Variants in ABTB3 observed in about 807,000 individuals in gnomAD.
ABTB3 encodes ankyrin repeat- and BTB/POZ domain-containing protein 3.
At chr12:107,577,183 T>C in the ABTB3 span, among the ~76,000 whole-genome samples, 9 of 152,190 alleles carry the variant, frequency 5.9e-5, no homozygotes, top group African/African-American at 1.4e-4. Flanking sequence ...AGACTGACCT[T>C]ATGGCCCACA....
chr12:107,477,874 G>A, the ABTB3 span, among the ~76,000 whole-genome samples: 1,452 of 152,192 alleles, frequency 9.5e-3, 35 homozygotes, highest in African/African-American at 0.033. Context: ...CTTCTAGGAA[G>A]GTATTAGGAT....
chr12:107,365,155 T>C, the ABTB3 span, among the ~76,000 whole-genome samples: 1 of 152,218 alleles, frequency 6.6e-6, no homozygotes, highest in Admixed American at 6.5e-5. Flanking sequence ...GACTTCACAG[T>C]TAAAGTGGTT....
the ABTB3 span, among the ~76,000 whole-genome samples, chr12:107,550,622 C>A: frequency 6.7e-6 from 1 of 149,358 alleles, no homozygotes; most frequent in East Asian, 1.9e-4. Flanking sequence ...AATCTGTCAC[C>A]CAGGTTGGAG....
the ABTB3 span, among the ~76,000 whole-genome samples, chr12:107,411,899 C>T: frequency 2.6e-4 from 39 of 152,270 alleles, no homozygotes; most frequent in East Asian, 6.0e-3. Flanking sequence ...ATACTCAGAC[C>T]GGTGGTTCTG....
the ABTB3 span, among the ~76,000 whole-genome samples, chr12:107,420,624 A>C: frequency 2.7e-3 from 415 of 152,312 alleles, 2 homozygotes; most frequent in African/African-American, 9.4e-3. Flanking sequence ...GGACACAGCC[A>C]AACCACATCA....
At chr12:107,385,369 G>A in the ABTB3 span, among the ~76,000 whole-genome samples, 1 of 152,332 alleles carries the variant, frequency 6.6e-6, no homozygotes, top group East Asian at 1.9e-4. Flanking sequence ...GCAATGCAAA[G>A]GTGTGTAGGT....
At chr12:107,469,758 G>A in the ABTB3 span, among the ~76,000 whole-genome samples, 9 of 152,182 alleles carry the variant, frequency 5.9e-5, no homozygotes, top group Admixed American at 3.3e-4. Context: ...ATTTGAAGAA[G>A]TGTCAATATT....
chr12:107,515,788 A>C, the ABTB3 span, among the ~76,000 whole-genome samples: 5 of 151,894 alleles, frequency 3.3e-5, no homozygotes, highest in African/African-American at 1.2e-4. Flanking sequence ...GAGGGTTCCT[A>C]AAGTACAGCA....
the ABTB3 span, among the ~76,000 whole-genome samples, chr12:107,494,799 G>A: frequency 1.3e-5 from 2 of 152,186 alleles, no homozygotes; most frequent in African/African-American, 2.4e-5. Flanking sequence ...CTGCGCTGCA[G>A]CCGCCTGTTC....
the ABTB3 span, among the ~76,000 whole-genome samples, chr12:107,334,923 C>A: frequency 3.3e-5 from 5 of 152,114 alleles, no homozygotes; most frequent in Non-Finnish European, 5.9e-5. Flanking sequence ...TAGTTACTCC[C>A]ATTGTACCCC....
chr12:107,516,510 G>C, the ABTB3 span, among the ~76,000 whole-genome samples: 1 of 152,178 alleles, frequency 6.6e-6, no homozygotes, highest in Non-Finnish European at 1.5e-5. Flanking sequence ...GGGATTACAG[G>C]CGTGAGACAC....
At chr12:107,506,339 TA>T in the ABTB3 span, among the ~76,000 whole-genome samples, 2 of 152,182 alleles carry the variant, frequency 1.3e-5, no homozygotes, top group South Asian at 2.1e-4. Context: ...TACTTCTACT[TA>T]AAAAAATACT....
chr12:107,404,999 G>A, the ABTB3 span, among the ~76,000 whole-genome samples: 73 of 152,334 alleles, frequency 4.8e-4, no homozygotes, highest in African/African-American at 1.7e-3. Context: ...TCGGTGTGAG[G>A]TGGCAGATCC....
the ABTB3 span, among the ~76,000 whole-genome samples, chr12:107,477,142 C>T: frequency 4.4e-4 from 67 of 152,174 alleles, no homozygotes; most frequent in African/African-American, 1.4e-3. Flanking sequence ...GGCATTGGTG[C>T]GCATGCATTG....
the ABTB3 span, among the ~76,000 whole-genome samples, chr12:107,503,370 T>C: frequency 6.6e-6 from 1 of 152,146 alleles, no homozygotes; most frequent in African/African-American, 2.4e-5. Context: ...GGTTGTTTAC[T>C]GTCCCTAGGA....
the ABTB3 span, chr12:107,319,139 GACACTGTCA>G: frequency 3.1e-6 from 5 of 1,604,586 alleles, no homozygotes; most frequent in East Asian, 1.1e-4. Flanking sequence ...CAACAGCTTT[GACACTGTCA>G]ACACTGCCCT....
chr12:107,656,732 A>C, the ABTB3 span, among the ~76,000 whole-genome samples: 2 of 152,246 alleles, frequency 1.3e-5, no homozygotes, highest in African/African-American at 4.8e-5. Context: ...ACTAATATAC[A>C]AAGCAAGTGC....
chr12:107,328,847 G>A, the ABTB3 span, among the ~76,000 whole-genome samples: 2 of 152,220 alleles, frequency 1.3e-5, no homozygotes, highest in African/African-American at 2.4e-5. Flanking sequence ...GCAGCCTGAG[G>A]GGCGTGTGGG....
At chr12:107,443,538 G>A in the ABTB3 span, among the ~76,000 whole-genome samples, 2 of 152,094 alleles carry the variant, frequency 1.3e-5, no homozygotes, top group African/African-American at 4.8e-5. Flanking sequence ...GCATGTGGCA[G>A]GAGTTTAAAG....
Sources: allele counts gnomAD v4.1 joint callset (sites outside exome capture counted in the v4.1 genomes callset), GRCh38; gene constraint gnomAD v4.1.1; transcripts MANE v1.5; gene names NCBI Gene and HGNC (gene_info 2026-07-23, HGNC 2026-07-21).